Variants in RFX3 observed in about 807,000 individuals in gnomAD.
RFX3 encodes regulatory factor X3.
Under a neutral mutation model 98.6 loss-of-function variants are expected in RFX3, and 14 were observed. That is an observed-to-expected ratio of 0.14 (90% confidence interval 0.09 to 0.22). RFX3 has a LOEUF of 0.22. RFX3 is among the 10% of genes least tolerant of loss of function. RFX3 has a pLI of 1.00. For missense variants in RFX3, 639 were observed against 926.9 expected (o/e 0.69, Z 4.03); for synonymous variants, 383 against 328.4 (o/e 1.17, Z -1.80).
intron 1 of RFX3, among the ~76,000 whole-genome samples, chr9:3,440,466 G>A (rs554805699): frequency 1.3e-5 from 2 of 151,852 alleles, no homozygotes; most frequent in African/African-American, 4.8e-5. Context: ...CCTAAAAGCT[G>A]CAATTAAAAA....
At chr9:3,312,950 T>C (rs1172981193) in intron 4 of RFX3, among the ~76,000 whole-genome samples, 2 of 152,194 alleles carry the variant, frequency 1.3e-5, no homozygotes, top group Non-Finnish European at 2.9e-5. Flanking sequence ...AGGGCATAGC[T>C]GAACAAAAGG....
At chr9:3,509,518 A>G (rs916554785) in intron 1 of RFX3, among the ~76,000 whole-genome samples, 5 of 151,978 alleles carry the variant, frequency 3.3e-5, no homozygotes, top group African/African-American at 1.2e-4. Flanking sequence ...TAAATATACA[A>G]TATTTTTCTT....
chr9:3,287,898 T>C (rs906319993), intron 7 of RFX3, among the ~76,000 whole-genome samples: 9 of 151,994 alleles, frequency 5.9e-5, no homozygotes, highest in Admixed American at 4.6e-4. Flanking sequence ...CTGAACAGTT[T>C]GGGATGTCAC....
At chr9:3,250,706 G>T (rs1298330882) in intron 14 of RFX3, among the ~76,000 whole-genome samples, 1 of 151,766 alleles carries the variant, frequency 6.6e-6, no homozygotes, top group East Asian at 1.9e-4. Context: ...AATCTAGTAG[G>T]ATGCTGATTA....
intron 1 of RFX3, among the ~76,000 whole-genome samples, chr9:3,460,473 C>T (rs1847586514): frequency 6.6e-6 from 1 of 151,934 alleles, no homozygotes; most frequent in South Asian, 2.1e-4. Flanking sequence ...AATCATCACC[C>T]TATTTTCCCA....
intron 1 of RFX3, among the ~76,000 whole-genome samples, chr9:3,436,574 C>A (rs1192741735): frequency 2.6e-5 from 4 of 152,052 alleles, no homozygotes; most frequent in Non-Finnish European, 5.9e-5. Flanking sequence ...CATTTGTCAT[C>A]AATGGACACT....
chr9:3,516,194 G>A (rs1192803609), intron 1 of RFX3, among the ~76,000 whole-genome samples: 3 of 151,696 alleles, frequency 2.0e-5, no homozygotes, highest in African/African-American at 4.8e-5. Context: ...GACTACAGGC[G>A]CCCGCCACCA....
chr9:3,472,260 G>C (rs1029923638), intron 1 of RFX3, among the ~76,000 whole-genome samples: 1 of 152,050 alleles, frequency 6.6e-6, no homozygotes, highest in African/African-American at 2.4e-5. Context: ...GTATTTAAAA[G>C]CTTGGGCTTT....
intron 4 of RFX3, among the ~76,000 whole-genome samples, chr9:3,306,985 C>T (rs530680807): frequency 8.6e-5 from 13 of 151,958 alleles, no homozygotes; most frequent in Non-Finnish European, 1.9e-4. Flanking sequence ...ATAATGGGGG[C>T]GGGTCTTTCC....
chr9:3,411,295 G>C (rs1842447313), intron 1 of RFX3, among the ~76,000 whole-genome samples: 1 of 152,100 alleles, frequency 6.6e-6, no homozygotes, highest in African/African-American at 2.4e-5. Flanking sequence ...GAGCAACCCA[G>C]TCCATCTTCC....
chr9:3,490,667 T>G, intron 1 of RFX3, among the ~76,000 whole-genome samples: 1 of 152,106 alleles, frequency 6.6e-6, no homozygotes, highest in South Asian at 2.1e-4. Context: ...AAGCATTCTT[T>G]AAAAGAATAT....
At chr9:3,288,068 A>C in intron 7 of RFX3, 63 bp downstream of exon 7, 2 of 1,517,718 alleles carry the variant, frequency 1.3e-6, no homozygotes, top group Non-Finnish European at 1.8e-6. Flanking sequence ...TTCAGAAAAA[A>C]GGAGACCCGA....
At chr9:3,483,479 C>T (rs1175051574) in intron 1 of RFX3, among the ~76,000 whole-genome samples, 1 of 152,122 alleles carries the variant, frequency 6.6e-6, no homozygotes, top group African/African-American at 2.4e-5. Context: ...GAATGAGACA[C>T]AGATAATACA....
intron 1 of RFX3, among the ~76,000 whole-genome samples, chr9:3,445,069 T>C (rs1294092824): frequency 6.6e-6 from 1 of 152,198 alleles, no homozygotes; most frequent in African/African-American, 2.4e-5. Flanking sequence ...AAGCCATCAA[T>C]ACCCAACATT....
At position 3,426,233 on chromosome 9, in the gene RFX3, G is replaced by A. The variant is rs1327977961; in HGVS notation, c.-8-30637C>T. 5.3e-5 allele frequency among the ~76,000 whole-genome samples: 8 copies of A among 151,386 alleles called. No individual in the cohort carries two copies. The East Asian group carries it at 1.4e-3, about 26-fold the overall frequency. On this transcript the variant is annotated intron_variant, in intron 1 of 16. Transcript: ENST00000617270. ...TAAATGAGTGATTTTTTTAACTGAC[G>A]TATTCATGAGGTACACAGTGATGTT...
intron 14 of RFX3, among the ~76,000 whole-genome samples, chr9:3,251,794 G>A (rs1821440303): frequency 6.6e-6 from 1 of 152,082 alleles, no homozygotes; most frequent in Admixed American, 6.6e-5. Context: ...GATACAGAAT[G>A]AGTCTTTCTT....
intron 2 of RFX3, among the ~76,000 whole-genome samples, chr9:3,391,873 T>A (rs76950493): frequency 0.027 from 4,097 of 152,058 alleles, 207 homozygotes; most frequent in African/African-American, 0.094. Flanking sequence ...TGTTTGGAGG[T>A]TTGTTCTTTG....
At chr9:3,525,353 ATTC>A (rs1819159828) in intron 1 of RFX3, among the ~76,000 whole-genome samples, 1 of 152,200 alleles carries the variant, frequency 6.6e-6, no homozygotes, top group Non-Finnish European at 1.5e-5. Flanking sequence ...GAAAGAACAA[ATTC>A]TTATCTCTTC....
intron 3 of RFX3, among the ~76,000 whole-genome samples, chr9:3,333,669 G>A (rs7042236): frequency 2.0e-4 from 30 of 152,110 alleles, no homozygotes; most frequent in African/African-American, 7.2e-4. Context: ...GCTTAAAATA[G>A]CACAATCTAA....
Sources: gnomAD v4.1 joint callset for allele counts (sites outside exome capture counted in the v4.1 genomes callset) on GRCh38, gnomAD v4.1.1 for gene constraint, MANE v1.5 for transcripts, NCBI Gene and HGNC (gene_info 2026-07-23, HGNC 2026-07-21) for gene names.